The following RESF1 variants were observed in gnomAD, a reference collection of about 807,000 sequenced individuals.
The protein encoded by RESF1 is gonad expressed transcript.
Under a neutral mutation model 134.7 loss-of-function variants are expected in RESF1, and 65 were observed. The ratio of observed to expected loss-of-function variants is 0.48; its 90% CI spans 0.40 to 0.59. The LOEUF is 0.59. Among genes scored for constraint, RESF1 ranks in the 20% least tolerant of loss-of-function variants. The pLI is 0.00. For missense variants in RESF1, 2,274 were observed against 2,002.7 expected, an observed-to-expected ratio of 1.14 and a Z score of -2.59; for synonymous variants, 762 against 702.2, an observed-to-expected ratio of 1.09 and a Z score of -1.35.
rs141313145 is a variant in RESF1 at position 31,983,090 on chromosome 12, A to G, written c.2135A>G (p.His712Arg). 4.6e-4 allele frequency: 748 copies of G among 1,613,048 alleles called. 5 individuals carry two copies. Among genetic ancestry groups the G allele is most frequent in the East Asian group, 1.8e-4 (8 of 44,890 alleles). ...GGAATTTCAAAGCCTGCTAACATCC[A>G]CGTTAAGAGTCCTTGTTCAGTTGTG... ...AVGISKPANI[H>R]VKSPCSVVGN... Residue 712 changes from histidine (H) to arginine (R), a missense_variant, in exon 4 of 6, where the codon CAC (histidine) becomes CGC (arginine). Physicochemically the swap from His to Arg is conservative, Grantham distance 29 (BLOSUM62 0). Transcript: ENST00000312561.
chr12:31,983,192 A>G lies in RESF1; in HGVS notation c.2237A>G (p.Glu746Gly). ...TALSMVMHNY[E>G]SSGINITKGT... ...TTGTCGATGGTAATGCACAATTATG[A>G]GTCTTCAGGTATAAATATAACAAAG... is the stretch of plus-strand genomic sequence containing the variant. The change falls in exon 4 of 6, where the codon GAG becomes GGG. Residue 746 changes from glutamate (E) to glycine (G), a missense_variant. Coordinates refer to ENST00000312561, the MANE Select transcript of RESF1 (RefSeq NM_018169.4). The G allele has an allele frequency of 1.2e-6, 2 of 1,610,886 alleles. No homozygotes were observed. The highest frequency in any genetic ancestry group is 2.2e-5 in the South Asian group (2 of 90,546).
intron 2 of RESF1, 74 bp downstream of exon 2, chr12:31,960,945 C>T (rs1382004404): frequency 6.6e-6 from 1 of 152,224 alleles, no homozygotes; most frequent in East Asian, 1.9e-4. Flanking sequence ...TGGAGTAATT[C>T]ACCTATTACC....
chr12:31,974,821 T>C (rs1172182433), intron 3 of RESF1, among the ~76,000 whole-genome samples: 3 of 152,130 alleles, frequency 2.0e-5, no homozygotes, highest in African/African-American at 7.2e-5. Flanking sequence ...CAGTGAACAC[T>C]GTGACCCATT....
Position 31,985,825 on chromosome 12 carries a change from A to G in RESF1, c.4870A>G (p.Lys1624Glu). 6.4e-7 allele frequency: 1 copy of G among 1,567,644 alleles called. No homozygotes were observed. The highest frequency in any genetic ancestry group is 2.3e-5 in the East Asian group (1 of 44,422). ...TAAACATAAGACCTTTTTACCGGTG[A>G]AAGGTAACACAGAAAAATCAAACAT... Reference protein sequence around the residue: ...ENKHKTFLPVKGNTEKSNMLE... With the variant: ...ENKHKTFLPVEGNTEKSNMLE... The change falls in exon 4 of 6, where the codon AAA (lysine) becomes GAA (glutamate). Residue 1624 changes from lysine (K) to glutamate (E), a missense_variant. Lys to Glu is a moderately conservative substitution (Grantham distance 56). Coordinates refer to ENST00000312561, the MANE Select transcript of RESF1 (RefSeq NM_018169.4).
chr12:31,983,928 T>C lies in RESF1; in HGVS notation c.2973T>C (p.Val991=). The C allele has an allele frequency of 1.2e-6, 2 of 1,613,806 alleles. No homozygotes were observed. Among genetic ancestry groups the C allele is most frequent in the South Asian group, 2.2e-5 (2 of 91,026 alleles). ...TTAACAATCTTGAAACAAACAGAGT[T>C]ATTCTAGAGAAAAGTAGTTTGGAGC... ...SSFNNLETNR[V]ILEKSSLEHA... is the part of the protein sequence containing the mutation. The change falls in exon 4 of 6, where the codon GTT becomes GTC. Residue 991 remains valine (V), a synonymous_variant. Coordinates refer to ENST00000312561, the MANE Select transcript of RESF1 (RefSeq NM_018169.4).
chr12:31,988,385 G>C (rs555729030), intron 5 of RESF1, among the ~76,000 whole-genome samples: 1 of 152,252 alleles, frequency 6.6e-6, no homozygotes, highest in Admixed American at 6.5e-5. Flanking sequence ...AGACAATATA[G>C]TATAACAACT....
intron 2 of RESF1, among the ~76,000 whole-genome samples, chr12:31,965,260 T>C (rs1426644382): frequency 6.6e-6 from 1 of 152,166 alleles, no homozygotes; most frequent in Non-Finnish European, 1.5e-5. Context: ...CCCTGCCGGC[T>C]ACTCCCTTTT....
rs372164733 is a variant in RESF1 at position 31,985,805 on chromosome 12, A to C, written c.4850A>C (p.His1617Pro). The C allele has an allele frequency of 6.4e-7, 1 of 1,567,636 alleles. No individual in the cohort carries two copies. The highest frequency in any genetic ancestry group is 2.3e-5 in the East Asian group (1 of 44,368). ...AAAGATAAGAGACAGGAAAATAAAC[A>C]TAAGACCTTTTTACCGGTGAAAGGT... ...LHKDKRQENK[H>P]KTFLPVKGNT... Residue 1617 changes from histidine to proline, a missense_variant, in exon 4 of 6, where the codon CAT becomes CCT. Transcript: ENST00000312561.
Position 31,982,968 on chromosome 12 carries a change from A to C in RESF1, c.2013A>C (p.Glu671Asp). 1 of 1,614,130 alleles carries C rather than the reference A, an allele frequency of 6.2e-7. No homozygotes were observed. The highest frequency in any genetic ancestry group is 2.2e-5 in the East Asian group (1 of 44,884). ...PAKSDSSCSM[E>D]VLATCLSLWK... ...AAAGTGACAGTAGCTGTTCCATGGA[A>C]GTGCTAGCAACCTGTCTTTCCCTGT... Residue 671 changes from glutamate (E) to aspartate (D), a missense_variant, in exon 4 of 6, where the codon GAA (glutamate) becomes GAC (aspartate). By Grantham distance (45) the Glu-to-Asp change is conservative (BLOSUM62 2). Coordinates refer to ENST00000312561, the MANE Select transcript of RESF1 (RefSeq NM_018169.4).
intron 3 of RESF1, among the ~76,000 whole-genome samples, chr12:31,978,293 AC>A (rs1939682923): frequency 6.6e-6 from 1 of 152,164 alleles, no homozygotes; most frequent in South Asian, 2.1e-4. Flanking sequence ...ATTGTAATAA[AC>A]AGTAAAACAA....
chr12:31,968,913 C>G (rs186060724), intron 2 of RESF1, among the ~76,000 whole-genome samples: 1 of 152,196 alleles, frequency 6.6e-6, no homozygotes, highest in Admixed American at 6.5e-5. Flanking sequence ...TGATGATGTT[C>G]CACTTACCTT....
Position 31,985,480 on chromosome 12 carries a change from T to G in RESF1, c.4525T>G (p.Leu1509Val), listed in dbSNP as rs750714258. ...SSGVQTSKES[L>V]NGLTSHGKNL... The stretch of plus-strand genomic sequence containing the variant: ...CGGCGTGCAGACCTCTAAAGAATCA[T>G]TAAATGGCTTGACAAGCCATGGTAA... The change falls in exon 4 of 6, where the codon TTA becomes GTA. Residue 1509 changes from leucine (L) to valine (V), a missense_variant. By Grantham distance (32) the Leu-to-Val change is conservative. Coordinates refer to ENST00000312561, the MANE Select transcript of RESF1 (RefSeq NM_018169.4). 1.9e-6 allele frequency: 3 copies of G among 1,606,174 alleles called. No homozygotes were observed. Among genetic ancestry groups the G allele is most frequent in the Non-Finnish European group, 2.5e-6 (3 of 1,177,918 alleles).
In RESF1 at chr12:31,983,903, T is replaced by C. The variant is rs1337069648; in HGVS notation, c.2948T>C (p.Phe983Ser). The C allele has an allele frequency of 6.2e-7, 1 of 1,613,906 alleles. No homozygotes were observed. Among genetic ancestry groups the C allele is most frequent in the South Asian group, 1.1e-5 (1 of 91,062 alleles). The change falls in exon 4 of 6, where the codon TTT becomes TCT. Residue 983 changes from phenylalanine to serine, a missense_variant. Physicochemically the swap from Phe to Ser is radical, Grantham distance 155. Coordinates refer to ENST00000312561, the MANE Select transcript of RESF1 (RefSeq NM_018169.4). ...SKSEPPLESS[F>S]NNLETNRVIL... Reference sequence around the variant, plus strand: ...TCAGAGCCACCCTTAGAGTCATCTTTTAACAATCTTGAAACAAACAGAGTT... The same window carrying C: ...TCAGAGCCACCCTTAGAGTCATCTTCTAACAATCTTGAAACAAACAGAGTT...
chr12:31,974,549 C>A (rs1342756127), intron 3 of RESF1, among the ~76,000 whole-genome samples: 1 of 152,060 alleles, frequency 6.6e-6, no homozygotes. Flanking sequence ...GGGCCGACAT[C>A]GCTGGTGTCC....
At position 31,981,102 on chromosome 12, in the gene RESF1, ATG is replaced by A; in HGVS notation, c.148_149del (p.Cys50HisfsTer5). 6.2e-7 allele frequency: 1 copy of A among 1,614,204 alleles called. No individual in the cohort carries two copies. The highest frequency in any genetic ancestry group is 8.5e-7 in the Non-Finnish European group (1 of 1,180,022). On this transcript the variant is annotated frameshift_variant, in exon 4 of 6. Transcript: ENST00000312561. LOFTEE classifies it high-confidence loss of function. ...GCTATCCTGGAAGTAACCAAGAAGCATGCATGTATCCCGGTAATTCAAATCCA... is the reference window on the plus strand; with the variant it reads ...GCTATCCTGGAAGTAACCAAGAAGCACATGTATCCCGGTAATTCAAATCCA... Reference protein sequence around the residue: ...FSYPGSNQEACMYPGNSNPIS... With the variant: ...FSYPGSNQEAXMYPGNSNPIS...
At chr12:31,972,547 A>G (rs2120800255) in intron 3 of RESF1, among the ~76,000 whole-genome samples, 1 of 147,994 alleles carries the variant, frequency 6.8e-6, no homozygotes. Context: ...CGGAGCTCGC[A>G]GTGAGCCAAG....
At chr12:31,971,152 C>CT (rs1565839250) in intron 3 of RESF1, among the ~76,000 whole-genome samples, 1 of 152,134 alleles carries the variant, frequency 6.6e-6, no homozygotes, top group African/African-American at 2.4e-5. Context: ...TTCCTGCTTT[C>CT]TTTTTTTGAG....
intron 2 of RESF1, 74 bp from the exon 3 acceptor site, chr12:31,970,115 C>A (rs1301081198): frequency 2.0e-5 from 3 of 152,198 alleles, no homozygotes; most frequent in Non-Finnish European, 2.9e-5. Flanking sequence ...TTAAATTTCA[C>A]AGATATTGTT....
intron 3 of RESF1, among the ~76,000 whole-genome samples, chr12:31,975,588 T>A (rs4931590): frequency 0.12 from 18,746 of 152,214 alleles, 1,222 homozygotes; most frequent in Admixed American, 0.18. Flanking sequence ...GGGAACACAC[T>A]TGTGTGTAAG....
Sources: allele counts gnomAD v4.1 joint callset (sites outside exome capture counted in the v4.1 genomes callset), GRCh38; gene constraint gnomAD v4.1.1; transcripts MANE v1.5; gene names NCBI Gene and HGNC (gene_info 2026-07-23, HGNC 2026-07-21).